Variants in DTNB observed in about 807,000 individuals in gnomAD.
DTNB encodes the protein DTN-B.
DTNB carries 63 observed loss-of-function variants against 90.7 expected under a neutral mutation model. The observed-to-expected ratio is 0.69, with a 90% CI of 0.57 to 0.86. DTNB has a LOEUF of 0.86. Ranked by LOEUF, DTNB falls within the 40% of genes least tolerant of loss-of-function variation. The pLI is 0.00. For missense variants in DTNB, 744 were observed against 807.1 expected, an observed-to-expected ratio of 0.92 and a Z score of 0.95; for synonymous variants, 277 against 286.7, an observed-to-expected ratio of 0.97 and a Z score of 0.34.
At chr2:25,525,016 C>T (rs757776772) in intron 9 of DTNB, among the ~76,000 whole-genome samples, 21 of 151,996 alleles carry the variant, frequency 1.4e-4, no homozygotes, top group South Asian at 2.1e-4. Context: ...AGTGAAAAAT[C>T]GGAAATAATG....
At chr2:25,418,704 A>G (rs2048577041) in intron 16 of DTNB, among the ~76,000 whole-genome samples, 1 of 152,156 alleles carries the variant, frequency 6.6e-6, no homozygotes, top group African/African-American at 2.4e-5. Context: ...GTCTCAAAAA[A>G]AAAAAAAAGG....
rs1157418134 is a variant in DTNB, at chr2:25,388,333, G to A, written c.1604C>T (p.Ser535Leu). ...AAQATGSPHTSPTHGGGRPMP... is the reference protein window; with the variant it reads ...AAQATGSPHTLPTHGGGRPMP... Reference sequence around the variant, plus strand: ...TGGCCGGCCGCCTCCATGGGTGGGCGATGTATGTGGTGACCCTGTGGCCTG... The same window carrying A: ...TGGCCGGCCGCCTCCATGGGTGGGCAATGTATGTGGTGACCCTGTGGCCTG... The change falls in exon 17 of 21, where the codon TCG (serine) becomes TTG (leucine). Residue 535 changes from serine (S) to leucine (L), a missense_variant. By Grantham distance (145) the Ser-to-Leu change is moderately radical (BLOSUM62 -2). Transcript: ENST00000406818. 5 of 1,612,162 alleles carry A rather than the reference G, an allele frequency of 3.1e-6. No individual in the cohort carries two copies. Among genetic ancestry groups the A allele is most frequent in the South Asian group, 2.2e-5 (2 of 90,918 alleles).
At chr2:25,570,476 A>T (rs180967362) in intron 8 of DTNB, among the ~76,000 whole-genome samples, 3 of 151,548 alleles carry the variant, frequency 2.0e-5, no homozygotes, top group Admixed American at 2.0e-4. Context: ...TTTATTCATT[A>T]GGAGACTTAG....
At chr2:25,559,559 A>G (rs1490267039) in intron 8 of DTNB, among the ~76,000 whole-genome samples, 4 of 152,238 alleles carry the variant, frequency 2.6e-5, no homozygotes, top group African/African-American at 4.8e-5. Flanking sequence ...TACTACTGTC[A>G]TAATTCTTGT....
At chr2:25,570,529 G>A (rs912318830) in intron 8 of DTNB, among the ~76,000 whole-genome samples, 2 of 151,848 alleles carry the variant, frequency 1.3e-5, no homozygotes, top group Non-Finnish European at 2.9e-5. Flanking sequence ...ACTTTAATCG[G>A]TTTTTGCCCC....
intron 16 of DTNB, among the ~76,000 whole-genome samples, chr2:25,414,863 C>T (rs1047352390): frequency 3.3e-5 from 5 of 152,050 alleles, no homozygotes; most frequent in Admixed American, 1.3e-4. Context: ...CTAAGTGACC[C>T]GCGCTCAACT....
chr2:25,511,532 A>G (rs951346884), intron 9 of DTNB, among the ~76,000 whole-genome samples: 2 of 152,108 alleles, frequency 1.3e-5, no homozygotes, highest in Non-Finnish European at 2.9e-5. Flanking sequence ...GGGTTTCATC[A>G]TATTGGTCAG....
At chr2:25,579,976 CTTTTTTTTTT>C (rs59639406) in intron 7 of DTNB, among the ~76,000 whole-genome samples, 1 of 52,964 alleles carries the variant, frequency 1.9e-5, no homozygotes, top group African/African-American at 7.6e-5. Context: ...AGTATCCTTT[CTTTTTTTTTT>C]TTTTTTTTTT....
chr2:25,397,181 G>A (rs1365196497), intron 16 of DTNB, among the ~76,000 whole-genome samples: 2 of 151,862 alleles, frequency 1.3e-5, no homozygotes, highest in Non-Finnish European at 2.9e-5. Context: ...TCATAGCAGC[G>A]TTATTCGACA....
At chr2:25,406,352 A>G (rs375738835) in intron 16 of DTNB, among the ~76,000 whole-genome samples, 12 of 151,880 alleles carry the variant, frequency 7.9e-5, no homozygotes, top group African/African-American at 1.9e-4. Flanking sequence ...ACCAACATGG[A>G]GAAACCCTGT....
intron 1 of DTNB, among the ~76,000 whole-genome samples, chr2:25,660,849 G>A (rs1347521487): frequency 6.6e-6 from 1 of 151,926 alleles, no homozygotes; most frequent in Non-Finnish European, 1.5e-5. Flanking sequence ...GTTTATCTTG[G>A]GTGTGTATCT....
Position 25,413,776 on chromosome 2 carries a change from A to G in DTNB, c.1575+5739T>C, listed in dbSNP as rs191070597. ...TGTCTTTATAGCAGCATGATTTATA[A>G]TCCTTTGGGTATATACCCAGTAATG... On this transcript the variant is annotated intron_variant, in intron 16 of 20. Transcript: ENST00000406818. 2.0e-3 allele frequency among the ~76,000 whole-genome samples: 302 copies of G among 152,290 alleles called. 1 individual carries two copies. Among genetic ancestry groups the G allele is most frequent in the African/African-American group, 7.0e-3 (290 of 41,556 alleles).
At chr2:25,667,873 G>A (rs2084853156) in intron 1 of DTNB, among the ~76,000 whole-genome samples, 1 of 152,170 alleles carries the variant, frequency 6.6e-6, no homozygotes, top group Non-Finnish European at 1.5e-5. Flanking sequence ...CAACCAAGAT[G>A]TCCTTCAGTA....
rs144046081 is a variant in DTNB at position 25,605,692 on chromosome 2, A to G, written c.448+1544T>C. 6.6e-3 allele frequency among the ~76,000 whole-genome samples: 1,009 copies of G among 152,234 alleles called. 13 individuals carry two copies. Among genetic ancestry groups the G allele is most frequent in the African/African-American group, 0.024 (979 of 41,528 alleles). On this transcript the variant is annotated intron_variant, in intron 5 of 20. Transcript: ENST00000406818. ...TATTTTTCTACTACTGTATTTTTCA[A>G]CCAGTCTCCCCAATATTAATAAAGA...
In DTNB at chr2:25,543,667, C is replaced by T. The variant is rs1403109736; in HGVS notation, c.877-12070G>A. 2.0e-5 allele frequency among the ~76,000 whole-genome samples: 3 copies of T among 152,122 alleles called. No homozygotes were observed. The South Asian group carries it at 6.2e-4, about 32-fold the overall frequency. On this transcript the variant is annotated intron_variant, in intron 8 of 20. Transcript: ENST00000406818. ...TTATCTAGAAAATTTAATGAATTTACTGATTAGTAATATATTTTTATTCAT... is the reference window on the plus strand; with the variant it reads ...TTATCTAGAAAATTTAATGAATTTATTGATTAGTAATATATTTTTATTCAT...
At chr2:25,646,867 G>A (rs772649185) in intron 2 of DTNB, among the ~76,000 whole-genome samples, 7 of 152,094 alleles carry the variant, frequency 4.6e-5, no homozygotes, top group Non-Finnish European at 8.8e-5. Flanking sequence ...ATTTAGCTTC[G>A]AATAAATCTC....
At chr2:25,500,969 C>A (rs1361922268) in intron 9 of DTNB, among the ~76,000 whole-genome samples, 1 of 152,176 alleles carries the variant, frequency 6.6e-6, no homozygotes, top group African/African-American at 2.4e-5. Context: ...GGTTCTGACC[C>A]CCATGGGGCC....
At chr2:25,648,375 G>A (rs760284543) in intron 2 of DTNB, among the ~76,000 whole-genome samples, 9 of 152,002 alleles carry the variant, frequency 5.9e-5, no homozygotes, top group East Asian at 3.8e-4. Flanking sequence ...TAATTTCATC[G>A]CTGTGTTCAT....
chr2:25,491,673 T>C (rs925793239), intron 9 of DTNB, among the ~76,000 whole-genome samples: 3 of 151,718 alleles, frequency 2.0e-5, no homozygotes, highest in African/African-American at 7.2e-5. Context: ...TATATTCTTT[T>C]CTACTTAACT....
Sources: allele counts gnomAD v4.1 joint callset (sites outside exome capture counted in the v4.1 genomes callset), GRCh38; gene constraint gnomAD v4.1.1; transcripts MANE v1.5; gene names NCBI Gene and HGNC (gene_info 2026-07-23, HGNC 2026-07-21).